Variants in EXPH5 observed in about 807,000 individuals in gnomAD.
EXPH5 encodes the protein exophilin 5.
A neutral mutation model predicts 41.1 loss-of-function variants in EXPH5; 42 were observed. The observed-to-expected ratio is 1.02, with a 90% CI of 0.80 to 1.32. The LOEUF (loss-of-function observed/expected upper bound fraction) is 1.32, where lower values mean the gene tolerates loss of function less well. Ranked by LOEUF, EXPH5 falls within the 40% of genes most tolerant of loss-of-function variation. The pLI, the probability that EXPH5 is intolerant of heterozygous loss-of-function variation, is 0.00. For synonymous variants in EXPH5, 798 were observed against 833.5 expected (o/e 0.96, Z 0.73); for missense variants, 2,298 against 2,314.5 (o/e 0.99, Z 0.15).
rs753914140 is a variant in EXPH5, at chr11:108,511,452, G to A, written c.4055C>T (p.Ala1352Val). 67 of 1,581,928 alleles carry A rather than the reference G, an allele frequency of 4.2e-5. No individual in the cohort carries two copies. The highest frequency in any genetic ancestry group is 5.1e-5 in the Non-Finnish European group (60 of 1,168,922). The change falls in exon 6 of 6, where the codon GCA becomes GTA. Residue 1352 changes from alanine to valine, a missense_variant. By Grantham distance (64) the Ala-to-Val change is moderately conservative. Coordinates refer to ENST00000265843, the MANE Select transcript of EXPH5 (RefSeq NM_015065.3). ...PTLQEMASVE[A>V]AVSLPEEESK... ...TTCCTCTTCAGGAAGAGAAACAGCTGCCTCAACAGAAGCCATTTCCTGTAA... is the reference window on the plus strand; with the variant it reads ...TTCCTCTTCAGGAAGAGAAACAGCTACCTCAACAGAAGCCATTTCCTGTAA...
chr11:108,577,686 G>T (rs555497810), intron 1 of EXPH5, among the ~76,000 whole-genome samples: 1 of 152,288 alleles, frequency 6.6e-6, no homozygotes, highest in African/African-American at 2.4e-5. Flanking sequence ...GCCTCCCAAA[G>T]TGCTGGGATT....
intron 4 of EXPH5, among the ~76,000 whole-genome samples, chr11:108,527,015 T>A (rs2093804250): frequency 6.7e-6 from 1 of 149,684 alleles, no homozygotes; most frequent in Non-Finnish European, 1.5e-5. Context: ...CAGAAAGAAG[T>A]AGTGTAAAGA....
At position 108,532,339 on chromosome 11, in the gene EXPH5, GATATATAT is replaced by G. The variant is rs761444200; in HGVS notation, c.444-4163_444-4156del. 8.0e-3 allele frequency among the ~76,000 whole-genome samples: 188 copies of G among 23,432 alleles called. 4 individuals are homozygous for G. The highest frequency in any genetic ancestry group is 0.027 in the South Asian group (9 of 336). 15.4% of individuals were successfully genotyped at this position (23,432 alleles called of 152,430 possible). ...ACTACTGGTGTGCACCACCACACTG[GATATATAT>G]ATATATATATATATATATATTTTTT... On this transcript the variant is annotated intron_variant, in intron 3 of 5. Transcript: ENST00000265843.
At chr11:108,592,707 A>G (rs1420543568) in intron 1 of EXPH5, among the ~76,000 whole-genome samples, 1 of 152,172 alleles carries the variant, frequency 6.6e-6, no homozygotes, top group African/African-American at 2.4e-5. Flanking sequence ...ACAACAGTGT[A>G]TAGTAAGGTC....
chr11:108,512,500 T>A lies in EXPH5; in HGVS notation c.3007A>T (p.Ile1003Phe), dbSNP rs574738214. The change falls in exon 6 of 6, where the codon ATT becomes TTT. Residue 1003 changes from isoleucine (I) to phenylalanine (F), a missense_variant. Coordinates refer to ENST00000265843, the MANE Select transcript of EXPH5 (RefSeq NM_015065.3). ...SVPTSDHRSLIEANQSNSKVS... is the reference protein window; with the variant it reads ...SVPTSDHRSLFEANQSNSKVS... ...TTGGAATTGCTTTGATTTGCTTCAA[T>A]GAGGCTCCTGTGATCACTGGTGGGT... The A allele has an allele frequency of 1.9e-6, 3 of 1,614,110 alleles. No individual in the cohort carries two copies. The South Asian group carries it at 3.3e-5, about 18-fold the overall frequency.
At chr11:108,571,982 G>A (rs886268158) in intron 1 of EXPH5, among the ~76,000 whole-genome samples, 1 of 151,890 alleles carries the variant, frequency 6.6e-6, no homozygotes, top group East Asian at 1.9e-4. Flanking sequence ...CCCGGGAGGC[G>A]GAGCTTGCAG....
upstream of EXPH5, among the ~76,000 whole-genome samples, chr11:108,595,001 G>C (rs915315808): frequency 6.6e-6 from 1 of 152,230 alleles, no homozygotes; most frequent in Non-Finnish European, 1.5e-5. Context: ...AATAGTGTCT[G>C]TATTAATGAT....
intron 1 of EXPH5, among the ~76,000 whole-genome samples, chr11:108,563,729 A>G (rs1414122960): frequency 2.6e-5 from 4 of 152,212 alleles, no homozygotes; most frequent in Non-Finnish European, 4.4e-5. Context: ...ACCCTGGAAC[A>G]GTAAAAAACC....
intron 1 of EXPH5, among the ~76,000 whole-genome samples, chr11:108,548,750 A>G (rs965136369): frequency 6.6e-6 from 1 of 152,220 alleles, no homozygotes; most frequent in Non-Finnish European, 1.5e-5. Flanking sequence ...TAGTTTGTAC[A>G]TTGACAATGG....
intron 1 of EXPH5, among the ~76,000 whole-genome samples, chr11:108,561,294 A>C (rs1306960049): frequency 6.6e-6 from 1 of 152,192 alleles, no homozygotes. Flanking sequence ...TTTAGCTTTG[A>C]TTCCCTTTGA....
chr11:108,539,098 C>T lies in EXPH5; in HGVS notation c.369G>A (p.Ser123=), dbSNP rs758125185. 25 of 1,611,518 alleles carry T rather than the reference C, an allele frequency of 1.6e-5. No individual in the cohort carries two copies. Among genetic ancestry groups the T allele is most frequent in the Middle Eastern group, 1.6e-4 (1 of 6,078 alleles). ...TGAATGAGAACAGGGAAGCAAATGA[C>T]GATCTGAAGCTCATCCGGGAAGAAA... ...TPFSSRMSFR[S]SFASLFSFRK... Residue 123 remains serine, a synonymous_variant, in exon 3 of 6, where the codon TCG becomes TCA. Coordinates refer to ENST00000265843, the MANE Select transcript of EXPH5 (RefSeq NM_015065.3).
chr11:108,532,628 C>T (rs977307986), intron 3 of EXPH5, among the ~76,000 whole-genome samples: 1 of 151,770 alleles, frequency 6.6e-6, no homozygotes, highest in African/African-American at 2.4e-5. Context: ...CCAATAAAAA[C>T]TTTGTATGAC....
intron 1 of EXPH5, among the ~76,000 whole-genome samples, chr11:108,587,428 TA>T (rs1294709394): frequency 1.3e-5 from 2 of 152,212 alleles, no homozygotes; most frequent in African/African-American, 2.4e-5. Flanking sequence ...CCTATAGCAG[TA>T]AGTTAAGTTC....
rs770785101 is a variant in EXPH5 at position 108,512,116 on chromosome 11, GTGGCTCC to G, written c.3384_3390del (p.Glu1129MetfsTer13). ...CTTCCTTCTCTTCCAGTTGAGGCAT[GTGGCTCC>G]CCTGAGGGACATGACATAGCCCTGT... On this transcript the variant is annotated frameshift_variant, in exon 6 of 6. Transcript: ENST00000265843. LOFTEE classifies it low-confidence loss of function (END_TRUNC). The G allele has an allele frequency of 6.2e-7, 1 of 1,613,858 alleles. No individual in the cohort carries two copies. The highest frequency in any genetic ancestry group is 8.5e-7 in the Non-Finnish European group (1 of 1,179,922).
chr11:108,576,829 C>G (rs2094081199), intron 1 of EXPH5, among the ~76,000 whole-genome samples: 1 of 152,064 alleles, frequency 6.6e-6, no homozygotes, highest in Non-Finnish European at 1.5e-5. Flanking sequence ...AGATATTATT[C>G]CTTCTATCTA....
chr11:108,550,741 T>C (rs913675765), intron 1 of EXPH5, among the ~76,000 whole-genome samples: 2 of 152,020 alleles, frequency 1.3e-5, no homozygotes, highest in African/African-American at 4.8e-5. Flanking sequence ...ATTATGCCAC[T>C]GCACTCCAGC....
At chr11:108,546,485 G>A (rs2093938841) in intron 1 of EXPH5, among the ~76,000 whole-genome samples, 1 of 152,086 alleles carries the variant, frequency 6.6e-6, no homozygotes, top group African/African-American at 2.4e-5. Context: ...TGTGTTTTGG[G>A]GAGTAGGGGT....
intron 4 of EXPH5, among the ~76,000 whole-genome samples, chr11:108,520,565 C>CATTTATTT (rs1016689922): frequency 1.1e-5 from 1 of 87,192 alleles, no homozygotes; most frequent in African/African-American, 1.0e-4. Flanking sequence ...TTTATTTATT[C>CATTTATTT]ATTTATTTAT....
chr11:108,509,443 T>G lies in EXPH5; in HGVS notation c.*94A>C, dbSNP rs2093661710. On this transcript the variant is annotated 3_prime_UTR_variant, in exon 6 of 6. Transcript: ENST00000265843. The stretch of plus-strand genomic sequence containing the variant: ...ATTTCAGAGCAGACACTGCCCAGAC[T>G]AGATCTTTTATCCTTCCATGCACAT... 9.7e-6 allele frequency: 12 copies of G among 1,237,418 alleles called. No individual in the cohort carries two copies. Among genetic ancestry groups the G allele is most frequent in the South Asian group, 1.6e-5 (1 of 61,750 alleles). The allele number at this position is 1,237,418 out of a possible 1,614,324, so 76.7% of individuals were successfully genotyped here.
Sources: gnomAD v4.1 joint callset for allele counts (sites outside exome capture counted in the v4.1 genomes callset) on GRCh38, gnomAD v4.1.1 for gene constraint, MANE v1.5 for transcripts, NCBI Gene and HGNC (gene_info 2026-07-23, HGNC 2026-07-21) for gene names.